The following PTPRG variants were observed in gnomAD, a reference collection of about 807,000 sequenced individuals.
PTPRG encodes the protein protein tyrosine phosphatase receptor type G, also known as receptor-type tyrosine-protein phosphatase gamma.
In PTPRG, 102 loss-of-function variants were observed where a neutral mutation model predicts 165.3. The ratio of observed to expected loss-of-function variants is 0.62; its 90% confidence interval spans 0.53 to 0.73. PTPRG has a LOEUF of 0.73. Ranked by LOEUF, PTPRG falls within the 30% of genes least tolerant of loss-of-function variation. The pLI, the probability that PTPRG is intolerant of heterozygous loss-of-function variation, is 0.00. For missense variants in PTPRG, 1,866 were observed against 1,861.4 expected (o/e 1.00, Z -0.05); for synonymous variants, 675 against 669.5 (o/e 1.01, Z -0.13).
At chr3:62,041,223 A>G (rs1002041043) in intron 4 of PTPRG, among the ~76,000 whole-genome samples, 9 of 152,212 alleles carry the variant, frequency 5.9e-5, no homozygotes, top group Non-Finnish European at 1.2e-4. Context: ...GTAATTGACT[A>G]GCAGAGTAAA....
intron 1 of PTPRG, among the ~76,000 whole-genome samples, chr3:61,640,462 C>T (rs928766682): frequency 6.6e-6 from 1 of 152,172 alleles, no homozygotes; most frequent in African/African-American, 2.4e-5. Flanking sequence ...AGAACATAAA[C>T]CAAGGATCAG....
Position 61,633,974 on chromosome 3 carries a change from G to C in PTPRG, c.85+71602G>C, listed in dbSNP as rs1392768579. On this transcript the variant is annotated intron_variant, in intron 1 of 29. Coordinates refer to ENST00000474889, the MANE Select transcript of PTPRG (RefSeq NM_002841.4). Reference sequence around the variant, plus strand: ...CTGTCACCCAGGCTGGAGTGCAGTGGTGTGATCTCAGCTCACTGCAACCTC... The same window carrying C: ...CTGTCACCCAGGCTGGAGTGCAGTGCTGTGATCTCAGCTCACTGCAACCTC... Among the ~76,000 whole-genome samples the C allele has an allele frequency of 3.3e-5, 5 of 151,936 alleles. No homozygotes were observed. In the East Asian group the frequency reaches 9.7e-4, roughly 30 times the overall value.
rs749006063 is a variant in PTPRG, at chr3:62,203,867, A to G, written c.2072A>G (p.Lys691Arg). ...GAGCAGTATGCAGGGAGTGATCCCA[A>G]GAGGCCCGAAATGCCATCTAAAAAG... ...TEEQYAGSDP[K>R]RPEMPSKKPM... is the part of the protein sequence containing the mutation. The change falls in exon 12 of 30, where the codon AAG (lysine) becomes AGG (arginine). Residue 691 changes from lysine to arginine, a missense_variant. Lys to Arg is a conservative substitution (Grantham distance 26). Coordinates refer to ENST00000474889, the MANE Select transcript of PTPRG (RefSeq NM_002841.4). This position sits in a 1 kb window ranked among gnomAD's most constrained non-coding sequence, Gnocchi z 6.4. 5.8e-5 allele frequency: 93 copies of G among 1,613,840 alleles called. No individual in the cohort carries two copies. Among genetic ancestry groups the G allele is most frequent in the Non-Finnish European group, 6.9e-5 (81 of 1,179,932 alleles).
intron 1 of PTPRG, among the ~76,000 whole-genome samples, chr3:61,574,923 A>G (rs1700141324): frequency 6.6e-6 from 1 of 152,166 alleles, no homozygotes; most frequent in Non-Finnish European, 1.5e-5. Flanking sequence ...TGCCAGAATG[A>G]GAACTCAGTC....
rs182805519 is a variant in PTPRG, at chr3:62,019,926, A to C, written c.519+16429A>C. Among the ~76,000 whole-genome samples the C allele has an allele frequency of 2.2e-3, 333 of 152,182 alleles. 1 individual carries two copies. Among genetic ancestry groups the C allele is most frequent in the Middle Eastern group, 0.01 (3 of 294 alleles). ...AAAACATTTTTCCACAAAAACCTCT[A>C]TCTCTATTTTTCAGATAAAACTGAA... On this transcript the variant is annotated intron_variant, in intron 4 of 29. Coordinates refer to ENST00000474889, the MANE Select transcript of PTPRG (RefSeq NM_002841.4).
chr3:62,071,233 T>C (rs1335818421), intron 4 of PTPRG, among the ~76,000 whole-genome samples: 3 of 152,202 alleles, frequency 2.0e-5, no homozygotes, highest in Admixed American at 2.0e-4. Flanking sequence ...ATTTTTTTTC[T>C]TGGACCATGT....
chr3:61,769,536 G>A (rs6790419), intron 2 of PTPRG: 38 of 152,300 alleles, frequency 2.5e-4, no homozygotes, highest in African/African-American at 8.4e-4. Flanking sequence ...GCCTTGCAAA[G>A]TGGTGGGATT....
chr3:62,147,644 G>T (rs1704172194), intron 6 of PTPRG, among the ~76,000 whole-genome samples: 1 of 152,156 alleles, frequency 6.6e-6, no homozygotes, highest in Admixed American at 6.5e-5. Flanking sequence ...CAGTATCTGG[G>T]ACTTGTTTGT....
intron 8 of PTPRG, among the ~76,000 whole-genome samples, chr3:62,189,205 T>C (rs1475963529): frequency 7.2e-5 from 11 of 152,012 alleles, no homozygotes; most frequent in African/African-American, 2.2e-4. Flanking sequence ...CTCCCTCCCT[T>C]CCTTCCGTTT....
At chr3:61,751,483 T>C (rs1485080119) in intron 2 of PTPRG, among the ~76,000 whole-genome samples, 2 of 152,226 alleles carry the variant, frequency 1.3e-5, no homozygotes, top group Admixed American at 1.3e-4. Context: ...TTCTCTGATT[T>C]GTCTTATTTC....
chr3:62,138,774 G>T (rs537861927), intron 6 of PTPRG, among the ~76,000 whole-genome samples: 1 of 149,584 alleles, frequency 6.7e-6, no homozygotes, highest in African/African-American at 2.5e-5. Context: ...GTCGCTTCTC[G>T]TCCTTTCGGC....
intron 3 of PTPRG, among the ~76,000 whole-genome samples, chr3:61,992,312 A>C (rs911662418): frequency 1.3e-5 from 2 of 152,158 alleles, no homozygotes; most frequent in African/African-American, 2.4e-5. Context: ...TGGGTGCAGA[A>C]ATCAACTTGT....
intron 1 of PTPRG, among the ~76,000 whole-genome samples, chr3:61,567,762 T>G (rs987327068): frequency 1.3e-5 from 2 of 151,570 alleles, no homozygotes; most frequent in African/African-American, 4.9e-5. Flanking sequence ...GTGGGCAGAT[T>G]GCTTGAGCCC....
intron 28 of PTPRG, among the ~76,000 whole-genome samples, chr3:62,289,820 T>G (rs1359179788): frequency 6.6e-6 from 1 of 151,638 alleles, no homozygotes. Context: ...ACTTAGAAGC[T>G]TGAACATTTA....
At chr3:61,919,853 C>T (rs28575541) in intron 2 of PTPRG, among the ~76,000 whole-genome samples, 18,039 of 152,174 alleles carry the variant, frequency 0.12, 1,516 homozygotes, top group East Asian at 0.44. Context: ...AGCTAAGAAG[C>T]CTGTCCTTAC....
chr3:61,773,552 A>G (rs1485005929), intron 2 of PTPRG, among the ~76,000 whole-genome samples: 2 of 152,082 alleles, frequency 1.3e-5, no homozygotes, highest in Non-Finnish European at 2.9e-5. Context: ...CTTTTGTGTA[A>G]AAGTGTTTTA....
At chr3:62,067,344 G>T (rs1311916170) in intron 4 of PTPRG, among the ~76,000 whole-genome samples, 1 of 151,558 alleles carries the variant, frequency 6.6e-6, no homozygotes, top group Non-Finnish European at 1.5e-5. Flanking sequence ...TTGCATTTTG[G>T]GGTGTTTAGG....
chr3:61,947,268 A>G (rs2039782871), intron 2 of PTPRG, among the ~76,000 whole-genome samples: 1 of 152,218 alleles, frequency 6.6e-6, no homozygotes, highest in African/African-American at 2.4e-5. Flanking sequence ...AAGTATATAA[A>G]AGACTTGTTT....
intron 1 of PTPRG, among the ~76,000 whole-genome samples, chr3:61,588,577 C>T (rs1700493285): frequency 6.6e-6 from 1 of 151,826 alleles, no homozygotes; most frequent in South Asian, 2.1e-4. Context: ...TCTGGAGCAG[C>T]TGGGACTACA....
Sources: allele counts gnomAD v4.1 joint callset (sites outside exome capture counted in the v4.1 genomes callset), GRCh38; gene constraint gnomAD v4.1.1; non-coding constraint Gnocchi (gnomAD v3.1); transcripts MANE v1.5; gene names NCBI Gene and HGNC (gene_info 2026-07-23, HGNC 2026-07-21).